TRAM2: variants seen among roughly 807,000 people sequenced by gnomAD.
The protein encoded by TRAM2 is translocation associated membrane protein 2, also known as translocating chain-associated membrane protein 2.
TRAM2 carries 12 observed loss-of-function variants against 51.0 expected under a neutral mutation model. The observed-to-expected ratio is 0.24, with a 90% CI of 0.15 to 0.38. The LOEUF is 0.38. Ranked by LOEUF, TRAM2 falls within the 10% of genes least tolerant of loss-of-function variation. The pLI is 1.00. For missense variants in TRAM2, 361 were observed against 462.0 expected, an observed-to-expected ratio of 0.78 and a Z score of 2.00; for synonymous variants, 175 against 179.4, an observed-to-expected ratio of 0.98 and a Z score of 0.20.
At chr6:52,576,041 C>G (rs1403105150) in intron 1 of TRAM2, among the ~76,000 whole-genome samples, 1 of 152,186 alleles carries the variant, frequency 6.6e-6, no homozygotes, top group African/African-American at 2.4e-5. Context: ...CCTCTGCCCC[C>G]CACTCCTACA....
At chr6:52,507,982 A>G (rs1053354903) in intron 6 of TRAM2, among the ~76,000 whole-genome samples, 2 of 152,240 alleles carry the variant, frequency 1.3e-5, no homozygotes, top group African/African-American at 2.4e-5. Context: ...TTTGACATCT[A>G]TAAGATGAGA....
Position 52,501,832 on chromosome 6 carries a change from C to T in TRAM2, c.*1365G>A, listed in dbSNP as rs1005874954. On this transcript the variant is annotated 3_prime_UTR_variant, in exon 11 of 11. Transcript: ENST00000182527. The stretch of plus-strand genomic sequence containing the variant: ...GTGCTGGGATAACAGGCGTAAGCTA[C>T]TGCGTCCGGCCGTAATTAGGACCGG... 6.6e-6 allele frequency: 1 copy of T among 152,224 alleles called. No individual in the cohort carries two copies. Among genetic ancestry groups the T allele is most frequent in the Admixed American group, 6.5e-5 (1 of 15,286 alleles). The allele number at this position is 152,224 out of a possible 1,614,324, so 9.4% of individuals were successfully genotyped here. A position where few individuals can be genotyped will look rare whatever the true frequency, so the allele number is the denominator to read the frequency against.
chr6:52,515,978 C>T (rs759993923), intron 4 of TRAM2, 28 bp downstream of exon 4: 11 of 1,604,130 alleles, frequency 6.9e-6, no homozygotes, highest in South Asian at 4.4e-5. Context: ...TGAGCTCTCC[C>T]GCTTCAGCAG....
chr6:52,541,898 C>T (rs1767089904), intron 1 of TRAM2, among the ~76,000 whole-genome samples: 1 of 150,092 alleles, frequency 6.7e-6, no homozygotes, highest in Middle Eastern at 3.4e-3. Flanking sequence ...GTACAGAAGG[C>T]CTTATTTTAC....
intron 1 of TRAM2, among the ~76,000 whole-genome samples, chr6:52,545,129 G>A (rs1381895876): frequency 6.6e-6 from 1 of 152,186 alleles, no homozygotes; most frequent in South Asian, 2.1e-4. Context: ...AGCATCCCAG[G>A]AATCTGATGG....
At chr6:52,564,139 T>A (rs1192620701) in intron 1 of TRAM2, among the ~76,000 whole-genome samples, 1 of 152,080 alleles carries the variant, frequency 6.6e-6, no homozygotes, top group Non-Finnish European at 1.5e-5. Flanking sequence ...TCATACTGAC[T>A]ACGTGGTAGG....
chr6:52,519,056 AGAAT>A (rs1766612577), intron 2 of TRAM2, among the ~76,000 whole-genome samples: 2 of 152,248 alleles, frequency 1.3e-5, no homozygotes, highest in African/African-American at 4.8e-5. Context: ...TCTTGAAACT[AGAAT>A]GAATGTAGAA....
intron 8 of TRAM2, 113 bp downstream of exon 8, chr6:52,505,919 C>A: frequency 7.1e-7 from 1 of 1,400,328 alleles, no homozygotes; most frequent in South Asian, 1.3e-5. Flanking sequence ...GAGGGCACCA[C>A]CTGCAGGTAA....
At chr6:52,538,018 G>GA (rs1767005812) in intron 1 of TRAM2, among the ~76,000 whole-genome samples, 2 of 152,176 alleles carry the variant, frequency 1.3e-5, no homozygotes, top group South Asian at 4.2e-4. Flanking sequence ...CTCCCTCTCT[G>GA]AACTCCACTC....
intron 2 of TRAM2, among the ~76,000 whole-genome samples, chr6:52,530,932 C>G (rs1444034342): frequency 6.6e-6 from 1 of 152,076 alleles, no homozygotes; most frequent in African/African-American, 2.4e-5. Flanking sequence ...ATCCACATTA[C>G]TTATTAGCTT....
intron 2 of TRAM2, among the ~76,000 whole-genome samples, chr6:52,527,845 C>T (rs2114080164): frequency 6.6e-6 from 1 of 152,306 alleles, no homozygotes; most frequent in East Asian, 1.9e-4. Flanking sequence ...GTCCACCTTT[C>T]TGCACAATTG....
chr6:52,509,567 G>A lies in TRAM2; in HGVS notation c.431C>T (p.Pro144Leu), dbSNP rs868432779. ...VVVTEGYLTN[P>L]RSLWEDYPHV... Reference sequence around the variant, plus strand: ...CGGGTAGTCTTCCCAGAGGCTTCTTGGGTTTGTTAAGTATCCTTCCTGCAG... The same window carrying A: ...CGGGTAGTCTTCCCAGAGGCTTCTTAGGTTTGTTAAGTATCCTTCCTGCAG... The change falls in exon 5 of 11, where the codon CCA becomes CTA. Residue 144 changes from proline to leucine, a missense_variant. Transcript: ENST00000182527. 1.9e-6 allele frequency: 3 copies of A among 1,614,058 alleles called. No homozygotes were observed. The African/African-American group carries it at 4.0e-5, about 22-fold the overall frequency.
At chr6:52,507,486 A>T in intron 7 of TRAM2, 67 bp downstream of exon 7, 3 of 1,490,466 alleles carry the variant, frequency 2.0e-6, no homozygotes, top group East Asian at 2.3e-5. Context: ...TAATTATATG[A>T]GTGTGTGGAC....
intron 1 of TRAM2, among the ~76,000 whole-genome samples, chr6:52,553,626 C>G (rs1226466562): frequency 6.6e-6 from 1 of 152,204 alleles, no homozygotes; most frequent in Non-Finnish European, 1.5e-5. Flanking sequence ...CACTCACTGC[C>G]TGTACCTCTT....
chr6:52,511,749 C>A (rs1317491636), intron 4 of TRAM2, among the ~76,000 whole-genome samples: 1 of 152,098 alleles, frequency 6.6e-6, no homozygotes, highest in East Asian at 1.9e-4. Flanking sequence ...CAAACTTGGG[C>A]CTCCATGAGC....
chr6:52,555,257 C>T (rs1249383501), intron 1 of TRAM2, among the ~76,000 whole-genome samples: 1 of 151,964 alleles, frequency 6.6e-6, no homozygotes, highest in Non-Finnish European at 1.5e-5. Flanking sequence ...CCACCCCCAC[C>T]CTCCACCTGT....
intron 2 of TRAM2, among the ~76,000 whole-genome samples, chr6:52,527,640 G>T (rs1053070524): frequency 6.6e-6 from 1 of 152,128 alleles, no homozygotes; most frequent in Non-Finnish European, 1.5e-5. Context: ...CAGGCTTCAG[G>T]CTGGTTAACA....
At chr6:52,539,326 C>T (rs898227164) in intron 1 of TRAM2, among the ~76,000 whole-genome samples, 7 of 152,140 alleles carry the variant, frequency 4.6e-5, no homozygotes, top group African/African-American at 1.7e-4. Context: ...TGTTGGGCAA[C>T]CCAAAAGTGT....
At chr6:52,565,048 C>T (rs560961070) in intron 1 of TRAM2, among the ~76,000 whole-genome samples, 2 of 152,128 alleles carry the variant, frequency 1.3e-5, no homozygotes, top group Admixed American at 6.5e-5. Flanking sequence ...AGGGCAGGGA[C>T]GAGGCCTGAG....
Sources: gnomAD v4.1 joint callset for allele counts (sites outside exome capture counted in the v4.1 genomes callset) on GRCh38, gnomAD v4.1.1 for gene constraint, MANE v1.5 for transcripts, NCBI Gene and HGNC (gene_info 2026-07-23, HGNC 2026-07-21) for gene names.